HMGB1: variants seen among roughly 807,000 people sequenced by gnomAD.
The protein encoded by HMGB1 is high mobility group box 1.
For synonymous variants in HMGB1, 81 were observed against 84.0 expected (o/e 0.96, Z 0.19); for missense variants, 79 against 253.5 (o/e 0.31, Z 4.67).
At chr13:30,614,522 A>G (rs1950542316) in intron 1 of HMGB1, among the ~76,000 whole-genome samples, 2 of 152,324 alleles carry the variant, frequency 1.3e-5, no homozygotes, top group South Asian at 2.1e-4. Flanking sequence ...ATATTCCAAT[A>G]TCAAGTTTAG....
chr13:30,581,368 T>G (rs780598245), intron 1 of HMGB1, among the ~76,000 whole-genome samples: 1 of 152,172 alleles, frequency 6.6e-6, no homozygotes, highest in African/African-American at 2.4e-5. Context: ...GAGAAGGGGA[T>G]AGCAAATAAT....
At chr13:30,552,105 TTCTCC>T (rs1266195546) in intron 1 of HMGB1, among the ~76,000 whole-genome samples, 1 of 152,112 alleles carries the variant, frequency 6.6e-6, no homozygotes, top group African/African-American at 2.4e-5. Context: ...TCAATTAATT[TTCTCC>T]TCTCCTTTTT....
chr13:30,561,680 T>C (rs771433158), intron 1 of HMGB1, among the ~76,000 whole-genome samples: 4 of 152,046 alleles, frequency 2.6e-5, no homozygotes, highest in East Asian at 1.9e-4. Context: ...TGAAGAGGCA[T>C]AGTTAGAAAT....
At chr13:30,465,508 ATT>A (rs1319113349) in intron 1 of HMGB1, among the ~76,000 whole-genome samples, 4 of 146,402 alleles carry the variant, frequency 2.7e-5, no homozygotes, top group African/African-American at 9.9e-5. Context: ...TAAAAAAAAA[ATT>A]TTTTTTTTTG....
chr13:30,564,431 A>G (rs1430482266), intron 1 of HMGB1, among the ~76,000 whole-genome samples: 1 of 152,114 alleles, frequency 6.6e-6, no homozygotes, highest in African/African-American at 2.4e-5. Flanking sequence ...ACACCACTGC[A>G]CTCCAGCCTG....
At chr13:30,528,865 A>G (rs866088905) in intron 1 of HMGB1, among the ~76,000 whole-genome samples, 14 of 151,860 alleles carry the variant, frequency 9.2e-5, no homozygotes, top group East Asian at 1.9e-4. Context: ...CGTCTCTACT[A>G]AAAACACAAA....
chr13:30,543,863 A>G (rs1185641403), intron 1 of HMGB1, among the ~76,000 whole-genome samples: 1 of 152,266 alleles, frequency 6.6e-6, no homozygotes, highest in Admixed American at 6.5e-5. Context: ...AACTGAAATT[A>G]GCAGTTTTTC....
At chr13:30,530,054 C>T (rs982275296) in intron 1 of HMGB1, among the ~76,000 whole-genome samples, 5 of 151,968 alleles carry the variant, frequency 3.3e-5, no homozygotes, top group Admixed American at 6.6e-5. Flanking sequence ...ACTGAATTAC[C>T]AAAGATTTAA....
At chr13:30,463,862 A>C in intron 1 of HMGB1, 168 bp from the exon 2 acceptor site, 2 of 575,930 alleles carry the variant, frequency 3.5e-6, no homozygotes, top group Non-Finnish European at 5.9e-6. Context: ...AATTCCTTGA[A>C]GGGGCTATGC....
chr13:30,559,592 A>G lies in HMGB1; in HGVS notation c.-15+57079T>C, dbSNP rs1000267210. On this transcript the variant is annotated intron_variant, in intron 1 of 4. Coordinates refer to the HMGB1 transcript ENST00000405805. This position sits in a 1 kb window ranked among gnomAD's most constrained non-coding sequence, Gnocchi z 6.6. The stretch of plus-strand genomic sequence containing the variant: ...CACATGAGATTAAATTTAGATAGCC[A>G]CATAGGGAAATCAGTTTTTAAGAAA... Among the ~76,000 whole-genome samples, 16 of 152,330 alleles carry G rather than the reference A, an allele frequency of 1.1e-4. No homozygotes were observed. The highest frequency in any genetic ancestry group is 3.8e-4 in the African/African-American group (16 of 41,584).
At chr13:30,592,707 G>C (rs1050948891) in intron 1 of HMGB1, among the ~76,000 whole-genome samples, 3 of 151,906 alleles carry the variant, frequency 2.0e-5, no homozygotes, top group Non-Finnish European at 4.4e-5. Context: ...TCTAAAGAAA[G>C]TCAGGAACAA....
intron 1 of HMGB1, among the ~76,000 whole-genome samples, chr13:30,561,838 T>C (rs1248528040): frequency 6.6e-6 from 1 of 152,132 alleles, no homozygotes; most frequent in Non-Finnish European, 1.5e-5. Flanking sequence ...TAGTGGAATT[T>C]ACTGAAATGA....
chr13:30,550,781 T>C (rs1230214078), intron 1 of HMGB1, among the ~76,000 whole-genome samples: 1 of 152,246 alleles, frequency 6.6e-6, no homozygotes, highest in Non-Finnish European at 1.5e-5. Context: ...GTATGAAATA[T>C]AAATGTTTCC....
At chr13:30,501,329 T>A (rs1887730215) in intron 1 of HMGB1, among the ~76,000 whole-genome samples, 1 of 152,316 alleles carries the variant, frequency 6.6e-6, no homozygotes, top group Non-Finnish European at 1.5e-5. Flanking sequence ...TTTGGAACCA[T>A]CCTCAACTGT....
intron 1 of HMGB1, among the ~76,000 whole-genome samples, chr13:30,555,926 TAC>T (rs1448830149): frequency 6.6e-6 from 1 of 152,220 alleles, no homozygotes; most frequent in Non-Finnish European, 1.5e-5. Flanking sequence ...TCTTACAAGA[TAC>T]TCCAGGTTGC....
chr13:30,538,486 CTTTCTTTCTTT>C (rs1457393786), intron 1 of HMGB1, among the ~76,000 whole-genome samples: 1,365 of 36,078 alleles, frequency 0.038, 13 homozygotes, highest in Admixed American at 0.1. Context: ...TTCTTTCTTT[CTTTCTTTCTTT>C]CTTTCTTTCT....
intron 1 of HMGB1, among the ~76,000 whole-genome samples, chr13:30,578,558 A>G (rs1870762820): frequency 1.3e-5 from 2 of 151,948 alleles, no homozygotes; most frequent in Non-Finnish European, 1.5e-5. Context: ...AGGATTTCCT[A>G]ACTCTAATCT....
intron 1 of HMGB1, among the ~76,000 whole-genome samples, chr13:30,489,750 C>G (rs7336925): frequency 0.016 from 2,382 of 145,488 alleles, 35 homozygotes; most frequent in Non-Finnish European, 0.024. Context: ...TTTTTTTTTT[C>G]CTGAGACGGA....
At chr13:30,587,014 G>T (rs1467783471) in intron 1 of HMGB1, among the ~76,000 whole-genome samples, 1 of 152,080 alleles carries the variant, frequency 6.6e-6, no homozygotes, top group Admixed American at 6.5e-5. Context: ...TAATTAAAAT[G>T]TAATATTTAT....
Sources: allele counts gnomAD v4.1 joint callset (sites outside exome capture counted in the v4.1 genomes callset), GRCh38; gene constraint gnomAD v4.1.1; non-coding constraint Gnocchi (gnomAD v3.1); transcripts MANE v1.5; gene names NCBI Gene and HGNC (gene_info 2026-07-23, HGNC 2026-07-21).